ZNF212: variants seen among roughly 807,000 people sequenced by gnomAD.
ZNF212 encodes the protein zinc finger protein 212, also known as Zinc finger protein C2H2-150.
ZNF212 carries 32 observed loss-of-function variants against 47.3 expected under a neutral mutation model. The ratio of observed to expected loss-of-function variants is 0.68; its 90% CI spans 0.51 to 0.91. The LOEUF (loss-of-function observed/expected upper bound fraction) is 0.91. Among genes scored for constraint, ZNF212 ranks in the 40% least tolerant of loss-of-function variants. ZNF212 has a pLI of 0.00. For synonymous variants in ZNF212, 242 were observed against 253.8 expected, an observed-to-expected ratio of 0.95 and a Z score of 0.44; for missense variants, 555 against 622.8, an observed-to-expected ratio of 0.89 and a Z score of 1.16.
chr7:149,240,016 C>G (rs186971121), intron 1 of ZNF212: 121 of 510,624 alleles, frequency 2.4e-4, no homozygotes, highest in South Asian at 7.0e-4. Context: ...GCCTCGGCGC[C>G]GTGCGCCCTT....
intron 1 of ZNF212, among the ~76,000 whole-genome samples, chr7:149,247,558 T>C (rs1416574778): frequency 1.3e-5 from 2 of 152,204 alleles, no homozygotes. Context: ...AAAAATACAC[T>C]AAATATATAA....
rs375110403 is a variant in ZNF212 at position 149,250,756 on chromosome 7, G to A, written c.490G>A (p.Glu164Lys). Residue 164 changes from glutamate to lysine, a missense_variant, in exon 3 of 5, where the codon GAG becomes AAG. Transcript: ENST00000335870. ...EWENLEDWQK[E>K]LYRNVMESNY... ...GGAGAATCTGGAGGATTGGCAGAAG[G>A]AGCTCTACAGAAACGTGATGGAGAG... is the stretch of plus-strand genomic sequence containing the variant. 13 of 1,614,110 alleles carry A rather than the reference G, an allele frequency of 8.1e-6. No homozygotes were observed. Among genetic ancestry groups the A allele is most frequent in the Non-Finnish European group, 1.1e-5 (13 of 1,180,044 alleles).
At chr7:149,239,902 G>C (rs1192873097) in intron 1 of ZNF212, 100 bp downstream of exon 1, 1 of 1,238,686 alleles carries the variant, frequency 8.1e-7, no homozygotes, top group African/African-American at 1.6e-5. Flanking sequence ...CGGGGTCTTG[G>C]TTTCCCGGGG....
intron 1 of ZNF212, among the ~76,000 whole-genome samples, chr7:149,243,520 T>C (rs1210772924): frequency 7.0e-6 from 1 of 142,488 alleles, no homozygotes; most frequent in South Asian, 2.3e-4. Flanking sequence ...ATATAAAAGG[T>C]CATGAAAAAA....
intron 4 of ZNF212, 22 bp from the exon 5 acceptor site, chr7:149,253,536 GT>G (rs770583095): frequency 2.1e-5 from 33 of 1,572,338 alleles, no homozygotes; most frequent in Admixed American, 5.6e-5. Context: ...GATCTTTTTT[GT>G]TGGTCTTCTT....
chr7:149,253,623 A>T lies in ZNF212; in HGVS notation c.696A>T (p.Gly232=). Residue 232 remains glycine (G), a synonymous_variant, in exon 5 of 5, where the codon GGA becomes GGT. Coordinates refer to ENST00000335870, the MANE Select transcript of ZNF212 (RefSeq NM_012256.4). The stretch of plus-strand genomic sequence containing the variant: ...AGGAAGGCCCTGCGGATCTTCCTGG[A>T]GAGTTCTCATGCATTGCTGAAGAGC... ...YTQEGPADLP[G]EFSCIAEEQA... 1 of 1,614,204 alleles carries T rather than the reference A, an allele frequency of 6.2e-7. No homozygotes were observed. The highest frequency in any genetic ancestry group is 8.5e-7 in the Non-Finnish European group (1 of 1,180,040).
chr7:149,243,609 T>C (rs1796631970), intron 1 of ZNF212, among the ~76,000 whole-genome samples: 1 of 152,156 alleles, frequency 6.6e-6, no homozygotes, highest in Non-Finnish European at 1.5e-5. Context: ...CCTACTACTT[T>C]TGTAATGGTA....
chr7:149,245,727 G>A (rs987853367), intron 1 of ZNF212, among the ~76,000 whole-genome samples: 1 of 152,070 alleles, frequency 6.6e-6, no homozygotes, highest in Non-Finnish European at 1.5e-5. Flanking sequence ...GGCTGTTCTT[G>A]AACTCCTGGG....
Position 149,252,789 on chromosome 7 carries a change from C to A in ZNF212, c.625C>A (p.His209Asn). 6.2e-7 allele frequency: 1 copy of A among 1,613,910 alleles called. No individual in the cohort carries two copies. The change falls in exon 4 of 5, where the codon CAC (histidine) becomes AAC (asparagine). Residue 209 changes from histidine to asparagine, a missense_variant. By Grantham distance (68) the His-to-Asn change is moderately conservative. Coordinates refer to ENST00000335870, the MANE Select transcript of ZNF212 (RefSeq NM_012256.4). ...DLEEEGPGGAHPAGGVMIKQE... is the reference protein window; with the variant it reads ...DLEEEGPGGANPAGGVMIKQE... The stretch of plus-strand genomic sequence containing the variant: ...GGAAGAGGAAGGTCCTGGTGGTGCC[C>A]ACCCAGGTGAGTGGCTCTGGAATAT...
At position 149,253,953 on chromosome 7, in the gene ZNF212, G is replaced by T. The variant is rs1419823163; in HGVS notation, c.1026G>T (p.Gly342=). ...ATHLRSHSGW[G]SCTPEEPEES... is the part of the protein sequence containing the mutation. The stretch of plus-strand genomic sequence containing the variant: ...ATCTGCGCAGCCACTCTGGGTGGGG[G>T]TCTTGTACACCTGAGGAGCCAGAGG... The change falls in exon 5 of 5, where the codon GGG becomes GGT. Residue 342 remains glycine (G), a synonymous_variant. Coordinates refer to ENST00000335870, the MANE Select transcript of ZNF212 (RefSeq NM_012256.4). The T allele has an allele frequency of 6.2e-7, 1 of 1,614,000 alleles. No individual in the cohort carries two copies. The highest frequency in any genetic ancestry group is 2.2e-5 in the East Asian group (1 of 44,884).
intron 1 of ZNF212, among the ~76,000 whole-genome samples, chr7:149,248,556 C>T (rs1006585902): frequency 3.3e-5 from 5 of 152,172 alleles, no homozygotes; most frequent in Non-Finnish European, 7.3e-5. Flanking sequence ...TCATTCTTTT[C>T]AACCTCTTAC....
intron 1 of ZNF212, among the ~76,000 whole-genome samples, chr7:149,249,611 A>G (rs1796724257): frequency 6.6e-6 from 1 of 152,146 alleles, no homozygotes; most frequent in African/African-American, 2.4e-5. Context: ...AATACACCAA[A>G]ATTCAAACAG....
chr7:149,253,579 CAG>C lies in ZNF212; in HGVS notation c.653_654del (p.Gln218ArgfsTer21), dbSNP rs759048110. 2 of 1,602,298 alleles carry C rather than the reference CAG, an allele frequency of 1.2e-6. No individual in the cohort carries two copies. Among genetic ancestry groups the C allele is most frequent in the East Asian group, 4.5e-5 (2 of 44,530 alleles). On this transcript the variant is annotated frameshift_variant, in exon 5 of 5. Transcript: ENST00000335870. LOFTEE classifies it high-confidence loss of function. ...AHPAGGVMIK[Q>X]ELQYTQEGPA... ...TGCAGCAGGTGGGGTCATGATCAAA[CAG>C]GAGCTACAGTATACACAGGAAGGCC...
Position 149,239,693 on chromosome 7 carries a change from C to T in ZNF212, c.-86C>T, listed in dbSNP as rs1480600886. On this transcript the variant is annotated 5_prime_UTR_variant, in exon 1 of 5. Coordinates refer to ENST00000335870, the MANE Select transcript of ZNF212 (RefSeq NM_012256.4). ...AACACGGCGGCGGCGGCGGCGGCTT[C>T]CAACAGGCTCTGGGGCGCCGAGCGG... 2.3e-6 allele frequency: 3 copies of T among 1,292,994 alleles called. No individual in the cohort carries two copies. The highest frequency in any genetic ancestry group is 4.0e-5 in the Admixed American group (1 of 25,008). The allele number at this position is 1,292,994 out of a possible 1,614,324, so 80.1% of individuals were successfully genotyped here. A position where few individuals can be genotyped will look rare whatever the true frequency, so the allele number is the denominator to read the frequency against.
In ZNF212 at chr7:149,255,114, G is replaced by C. The variant is rs528638787; in HGVS notation, c.*699G>C. The C allele has an allele frequency of 6.6e-5, 10 of 152,260 alleles. No individual in the cohort carries two copies. Among genetic ancestry groups the C allele is most frequent in the African/African-American group, 2.2e-4 (9 of 41,514 alleles). 9.4% of individuals were successfully genotyped at this position (152,260 alleles called of 1,614,324 possible). A position where few individuals can be genotyped will look rare whatever the true frequency, so the allele number is the denominator to read the frequency against. ...TGCTAGGTTCCCTCGTGCAGTGCCT[G>C]GTGCTCTCAAATTGTCTCAAAAGGA... On this transcript the variant is annotated 3_prime_UTR_variant, in exon 5 of 5. Transcript: ENST00000335870.
chr7:149,254,181 C>T lies in ZNF212; in HGVS notation c.1254C>T (p.Ile418=). 1 of 1,614,250 alleles carries T rather than the reference C, an allele frequency of 6.2e-7. No individual in the cohort carries two copies. The change falls in exon 5 of 5, where the codon ATC becomes ATT. Residue 418 remains isoleucine, a synonymous_variant. Transcript: ENST00000335870. The surrounding 1 kb of genome is among the most constrained non-coding windows in gnomAD (Gnocchi z 4.5). ...GCCTGGTTGCCCTGCCTGGCCACAT[C>T]CCTTGGAGGAAAAGCCGGAGTTCCC... The part of the protein sequence containing the change: ...PNSLVALPGH[I]PWRKSRSSLI...
intron 1 of ZNF212, 86 bp from the exon 2 acceptor site, chr7:149,250,073 T>C: frequency 1.6e-6 from 2 of 1,285,396 alleles, no homozygotes; most frequent in Non-Finnish European, 1.0e-6. Flanking sequence ...AGAAACTAGA[T>C]AACTCTGAGC....
At chr7:149,251,206 A>G in intron 3 of ZNF212, 1 of 249,180 alleles carries the variant, frequency 4.0e-6, no homozygotes, top group South Asian at 4.2e-5. Flanking sequence ...TTTCTTTGAG[A>G]CAGAGTCTTG....
intron 1 of ZNF212, chr7:149,240,185 G>C (rs1164914641): frequency 4.6e-6 from 1 of 216,476 alleles, no homozygotes; most frequent in South Asian, 1.9e-4. Context: ...CTGCCCGGGA[G>C]ACCCCAGGAC....
Sources: allele counts gnomAD v4.1 joint callset (sites outside exome capture counted in the v4.1 genomes callset), GRCh38; gene constraint gnomAD v4.1.1; non-coding constraint Gnocchi (gnomAD v3.1); transcripts MANE v1.5; gene names NCBI Gene and HGNC (gene_info 2026-07-23, HGNC 2026-07-21).